PFDN4: variants seen among roughly 807,000 people sequenced by gnomAD.
PFDN4 encodes prefoldin subunit 4.
In PFDN4, 6 loss-of-function variants were observed where a neutral mutation model predicts 17.6. The ratio of observed to expected loss-of-function variants is 0.34; its 90% CI spans 0.19 to 0.67. PFDN4 has a LOEUF of 0.67. Among genes scored for constraint, PFDN4 ranks in the 30% least tolerant of loss-of-function variants. PFDN4 has a pLI of 0.68. For synonymous variants in PFDN4, 48 were observed against 51.1 expected (o/e 0.94, Z 0.26); for missense variants, 119 against 158.4 (o/e 0.75, Z 1.33).
At chr20:54,212,789 C>T (rs2092757711) in intron 1 of PFDN4, among the ~76,000 whole-genome samples, 1 of 152,234 alleles carries the variant, frequency 6.6e-6, no homozygotes, top group Admixed American at 6.5e-5. Context: ...ATTGACAGTT[C>T]TCACTTAGGC....
chr20:54,212,576 A>G (rs1219256689), intron 1 of PFDN4, among the ~76,000 whole-genome samples: 1 of 152,256 alleles, frequency 6.6e-6, no homozygotes, highest in African/African-American at 2.4e-5. Flanking sequence ...TTAGATTCAA[A>G]TTCAGAAACC....
At chr20:54,217,367 A>G (rs2092764030) in intron 3 of PFDN4, among the ~76,000 whole-genome samples, 1 of 152,168 alleles carries the variant, frequency 6.6e-6, no homozygotes, top group South Asian at 2.1e-4. Flanking sequence ...TAGACCTGCA[A>G]GAAGATGTAT....
chr20:54,210,305 C>T (rs1223676648), intron 1 of PFDN4, among the ~76,000 whole-genome samples: 1 of 152,184 alleles, frequency 6.6e-6, no homozygotes, highest in Non-Finnish European at 1.5e-5. Context: ...CAGTGTCCTC[C>T]TGTAGATGTT....
chr20:54,213,663 A>G (rs2092758918), intron 1 of PFDN4, among the ~76,000 whole-genome samples: 1 of 152,264 alleles, frequency 6.6e-6, no homozygotes, highest in African/African-American at 2.4e-5. Context: ...AAGTTTTGGC[A>G]CATAGTAAAT....
At chr20:54,211,576 A>G (rs911736732) in intron 1 of PFDN4, among the ~76,000 whole-genome samples, 1 of 152,162 alleles carries the variant, frequency 6.6e-6, no homozygotes. Flanking sequence ...GGTGGTTCCA[A>G]AGAATTGGGT....
In PFDN4 at chr20:54,219,453, T is replaced by A. The variant is rs924912008; in HGVS notation, c.*303T>A. The A allele has an allele frequency of 8.1e-6, 3 of 370,648 alleles. No homozygotes were observed. Among genetic ancestry groups the A allele is most frequent in the African/African-American group, 6.2e-5 (3 of 48,160 alleles). 23.0% of individuals were successfully genotyped at this position (370,648 alleles called of 1,614,324 possible). ...TTATTTAGAATATTTGTTGTTGCAA[T>A]TTTCACATAAGAAAATTTAACAGTT... On this transcript the variant is annotated 3_prime_UTR_variant, in exon 4 of 4. Transcript: ENST00000371419.
chr20:54,215,145 T>C lies in PFDN4; in HGVS notation c.133-155T>C, dbSNP rs6013931. On this transcript the variant is annotated intron_variant, in intron 2 of 3. Coordinates refer to ENST00000371419, the MANE Select transcript of PFDN4 (RefSeq NM_002623.4). ...TCTAAGTGCTTGCTTGTGAAATGTCTTCTAAAAAGTTACAAATTAAGGTCT... is the reference window on the plus strand; with the variant it reads ...TCTAAGTGCTTGCTTGTGAAATGTCCTCTAAAAAGTTACAAATTAAGGTCT... Among the ~76,000 whole-genome samples, 923 of 152,342 alleles carry C rather than the reference T, an allele frequency of 6.1e-3. 8 individuals carry two copies. Among genetic ancestry groups the C allele is most frequent in the Admixed American group, 8.9e-3 (137 of 15,308 alleles).
intron 1 of PFDN4, among the ~76,000 whole-genome samples, chr20:54,211,119 A>G (rs1601173877): frequency 6.6e-6 from 1 of 152,228 alleles, no homozygotes; most frequent in African/African-American, 2.4e-5. Context: ...TTGAATACAA[A>G]TACAAAGCAA....
At chr20:54,208,233 C>G in intron 1 of PFDN4, 109 bp downstream of exon 1, 1 of 1,057,678 alleles carries the variant, frequency 9.5e-7, no homozygotes, top group Non-Finnish European at 1.3e-6. Context: ...CGGCGTGGGA[C>G]CCGAGGCCGA....
Position 54,219,286 on chromosome 20 carries a change from A to G in PFDN4, c.*136A>G, listed in dbSNP as rs910576328. On this transcript the variant is annotated 3_prime_UTR_variant, in exon 4 of 4. Transcript: ENST00000371419. ...TCATTTATTTAATGGAAACTTGCCC[A>G]TTTTCACATGTCTGCTTATTTATTT... The G allele has an allele frequency of 1.5e-5, 8 of 543,938 alleles. No homozygotes were observed. Among genetic ancestry groups the G allele is most frequent in the African/African-American group, 1.2e-4 (6 of 50,404 alleles). 33.7% of individuals were successfully genotyped at this position (543,938 alleles called of 1,614,324 possible). A position where few individuals can be genotyped will look rare whatever the true frequency, so the allele number is the denominator to read the frequency against.
At chr20:54,210,838 T>A (rs1461068566) in intron 1 of PFDN4, among the ~76,000 whole-genome samples, 1 of 152,236 alleles carries the variant, frequency 6.6e-6, no homozygotes, top group Non-Finnish European at 1.5e-5. Flanking sequence ...TTTGTATTCA[T>A]GAAAGTGGGA....
chr20:54,218,563 G>C (rs773582894), intron 3 of PFDN4, among the ~76,000 whole-genome samples: 27 of 152,136 alleles, frequency 1.8e-4, no homozygotes, highest in Non-Finnish European at 1.5e-4. Context: ...AGGCCTCAAA[G>C]TTAGTGAAAA....
chr20:54,211,640 A>G (rs377621604), intron 1 of PFDN4, among the ~76,000 whole-genome samples: 1 of 152,114 alleles, frequency 6.6e-6, no homozygotes, highest in Admixed American at 6.5e-5. Flanking sequence ...GACTCTTCCC[A>G]CCACTCTGTG....
chr20:54,219,176 G>T lies in PFDN4; in HGVS notation c.*26G>T. On this transcript the variant is annotated 3_prime_UTR_variant, in exon 4 of 4. Transcript: ENST00000371419. Reference sequence around the variant, plus strand: ...ACATTTTATAATACTTTTTTTATTTGTTTAATAAACTTGAATATTGTTTAA... The same window carrying T: ...ACATTTTATAATACTTTTTTTATTTTTTTAATAAACTTGAATATTGTTTAA... The T allele has an allele frequency of 7.7e-7, 1 of 1,298,612 alleles. No individual in the cohort carries two copies. The highest frequency in any genetic ancestry group is 1.0e-6 in the Non-Finnish European group (1 of 960,334). The allele number at this position is 1,298,612 out of a possible 1,614,324, so 80.4% of individuals were successfully genotyped here. A position where few individuals can be genotyped will look rare whatever the true frequency, so the allele number is the denominator to read the frequency against.
chr20:54,214,776 G>A (rs1450923161), intron 2 of PFDN4, among the ~76,000 whole-genome samples: 2 of 152,144 alleles, frequency 1.3e-5, no homozygotes, highest in Non-Finnish European at 2.9e-5. Flanking sequence ...GCAGACTTAG[G>A]AACACCAAGC....
At chr20:54,208,341 G>C in intron 1 of PFDN4, 1 of 445,990 alleles carries the variant, frequency 2.2e-6, no homozygotes, top group African/African-American at 2.1e-5. Context: ...GGGGCGCCGG[G>C]GCTGGGGCCG....
chr20:54,208,499 C>A, intron 1 of PFDN4: 1 of 220,522 alleles, frequency 4.5e-6, no homozygotes, highest in Non-Finnish European at 8.4e-6. Flanking sequence ...GGCGTTGCAC[C>A]GGCATGATCG....
In PFDN4 at chr20:54,219,796, CAGAA is replaced by C; in HGVS notation, c.*652_*655del. The stretch of plus-strand genomic sequence containing the variant: ...AACGTTTTAGAAACCAAGAGATGTG[CAGAA>C]AGAAATGTTTAGTGTTTTTTCGTTT... On this transcript the variant is annotated 3_prime_UTR_variant, in exon 4 of 4. Transcript: ENST00000371419. 1 of 398,178 alleles carries C rather than the reference CAGAA, an allele frequency of 2.5e-6. No individual in the cohort carries two copies. The allele number at this position is 398,178 out of a possible 1,614,324, so 24.7% of individuals were successfully genotyped here. A position where few individuals can be genotyped will look rare whatever the true frequency, so the allele number is the denominator to read the frequency against.
chr20:54,213,755 T>G (rs2092759055), intron 1 of PFDN4, among the ~76,000 whole-genome samples: 1 of 152,226 alleles, frequency 6.6e-6, no homozygotes, highest in Non-Finnish European at 1.5e-5. Flanking sequence ...ATTTGTAAAT[T>G]TAATCACATT....
Sources: allele counts gnomAD v4.1 joint callset (sites outside exome capture counted in the v4.1 genomes callset), GRCh38; gene constraint gnomAD v4.1.1; transcripts MANE v1.5; gene names NCBI Gene and HGNC (gene_info 2026-07-23, HGNC 2026-07-21).